The following AKAP13 variants were observed in gnomAD, a reference collection of about 807,000 sequenced individuals.
The protein encoded by AKAP13 is A-kinase anchoring protein 13, also known as A-kinase anchor protein 13.
In AKAP13, 80 loss-of-function variants were observed where a neutral mutation model predicts 264.5. The ratio of observed to expected loss-of-function variants is 0.30; its 90% confidence interval spans 0.25 to 0.36. AKAP13 has a LOEUF of 0.36. Ranked by LOEUF, AKAP13 falls within the 10% of genes least tolerant of loss-of-function variation. AKAP13 has a pLI of 1.00. For missense variants in AKAP13, 3,712 were observed against 3,435.2 expected (o/e 1.08, Z -2.01); for synonymous variants, 1,380 against 1,250.2 (o/e 1.10, Z -2.19).
intron 6 of AKAP13, among the ~76,000 whole-genome samples, chr15:85,578,188 C>T (rs374813100): frequency 1.8e-4 from 27 of 152,244 alleles, no homozygotes; most frequent in African/African-American, 4.8e-4. Context: ...GAGGCTGAGG[C>T]GGCAGGGTCA....
intron 10 of AKAP13, among the ~76,000 whole-genome samples, chr15:85,647,931 A>G (rs2082629770): frequency 6.6e-6 from 1 of 152,228 alleles, no homozygotes; most frequent in African/African-American, 2.4e-5. Context: ...CCATCTCAAA[A>G]AAACAAAAAA....
chr15:85,601,357 T>C (rs967585328), intron 8 of AKAP13, among the ~76,000 whole-genome samples: 3 of 152,194 alleles, frequency 2.0e-5, no homozygotes, highest in African/African-American at 4.8e-5. Flanking sequence ...TGTTTATTGT[T>C]CTTGCTGTAA....
chr15:85,439,013 C>T (rs1269538505), intron 1 of AKAP13, among the ~76,000 whole-genome samples: 3 of 147,080 alleles, frequency 2.0e-5, no homozygotes, highest in Admixed American at 2.0e-4. Flanking sequence ...AAAGAAACTA[C>T]CATCAGAGTG....
At chr15:85,578,783 T>G (rs1360805548) in intron 6 of AKAP13, 147 bp from the exon 7 acceptor site, 2 of 704,668 alleles carry the variant, frequency 2.8e-6, no homozygotes, top group Non-Finnish European at 2.4e-6. Flanking sequence ...AGGAAATTTA[T>G]TTGTATTCTT....
rs940797579 is a variant in AKAP13 at position 85,718,523 on chromosome 15, C to T, written c.6001+364C>T. Reference sequence around the variant, plus strand: ...GACAGGTGCTGAATCCAGTGAAGACCTCTTTGGAAGTCATAATTTAAGACT... The same window carrying T: ...GACAGGTGCTGAATCCAGTGAAGACTTCTTTGGAAGTCATAATTTAAGACT... On this transcript the variant is annotated intron_variant, in intron 22 of 36. Coordinates refer to ENST00000394518, the MANE Select transcript of AKAP13 (RefSeq NM_007200.5). This position sits in a 1 kb window ranked among gnomAD's most constrained non-coding sequence, Gnocchi z 4.9. Among the ~76,000 whole-genome samples the T allele has an allele frequency of 2.6e-5, 4 of 152,124 alleles. No homozygotes were observed. The highest frequency in any genetic ancestry group is 4.4e-5 in the Non-Finnish European group (3 of 68,030).
At chr15:85,566,214 C>T (rs2078600811) in intron 5 of AKAP13, among the ~76,000 whole-genome samples, 1 of 152,142 alleles carries the variant, frequency 6.6e-6, no homozygotes, top group African/African-American at 2.4e-5. Flanking sequence ...GCTGTTATAC[C>T]ATTTTATCAT....
rs775855760 is a variant in AKAP13 at position 85,669,811 on chromosome 15, C to T, written c.5082C>T (p.Ile1694=). 1 of 1,610,044 alleles carries T rather than the reference C, an allele frequency of 6.2e-7. No individual in the cohort carries two copies. The highest frequency in any genetic ancestry group is 2.2e-5 in the East Asian group (1 of 44,820). The change falls in exon 14 of 37, where the codon ATC becomes ATT. Residue 1694 remains isoleucine, a synonymous_variant. Coordinates refer to ENST00000394518, the MANE Select transcript of AKAP13 (RefSeq NM_007200.5). Reference sequence around the variant, plus strand: ...CAAAATCCATCTCATTAATGACAATCAGCCATCCTGGATTGGACAGTGAGT... The same window carrying T: ...CAAAATCCATCTCATTAATGACAATTAGCCATCCTGGATTGGACAGTGAGT... ...PLTKSISLMT[I]SHPGLDNSRP... is the part of the protein sequence containing the mutation.
At chr15:85,612,866 A>G (rs965801405) in intron 8 of AKAP13, among the ~76,000 whole-genome samples, 6 of 151,776 alleles carry the variant, frequency 4.0e-5, no homozygotes, top group African/African-American at 1.4e-4. Flanking sequence ...AAATGTGGAG[A>G]GAACATATTC....
intron 1 of AKAP13, among the ~76,000 whole-genome samples, chr15:85,427,122 A>T (rs935017457): frequency 2.6e-5 from 4 of 151,254 alleles, no homozygotes; most frequent in African/African-American, 9.7e-5. Flanking sequence ...CGCCCGGCTA[A>T]TTTTTTGTAT....
At chr15:85,593,794 C>A (rs1226332583) in intron 8 of AKAP13, among the ~76,000 whole-genome samples, 3 of 91,568 alleles carry the variant, frequency 3.3e-5, no homozygotes, top group Non-Finnish European at 7.6e-5. Context: ...ACACTCATTT[C>A]TCTTTTGTTC....
intron 1 of AKAP13, among the ~76,000 whole-genome samples, chr15:85,423,492 T>C (rs537432082): frequency 6.6e-6 from 1 of 152,374 alleles, no homozygotes; most frequent in African/African-American, 2.4e-5. Context: ...TCAAGTTTTA[T>C]CATGAGATTG....
intron 1 of AKAP13, among the ~76,000 whole-genome samples, chr15:85,427,804 A>T (rs1484410176): frequency 6.6e-6 from 1 of 152,234 alleles, no homozygotes; most frequent in African/African-American, 2.4e-5. Flanking sequence ...TGTTAGTCAT[A>T]AGTGACATGG....
At chr15:85,448,440 C>T (rs745621477) in intron 1 of AKAP13, among the ~76,000 whole-genome samples, 3 of 151,986 alleles carry the variant, frequency 2.0e-5, no homozygotes, top group Non-Finnish European at 2.9e-5. Flanking sequence ...AATCTTTGCC[C>T]GTTCCTAAGT....
rs1161328773 is a variant in AKAP13, at chr15:85,671,464, A to C, written c.5101+1634A>C. Among the ~76,000 whole-genome samples the C allele has an allele frequency of 2.8e-5, 4 of 145,398 alleles. No homozygotes were observed. The South Asian group carries it at 6.6e-4, about 24-fold the overall frequency. Reference sequence around the variant, plus strand: ...AAAAAAAAAAAAAAAAAAAAGAGAGAGAGAGAAAGACATAATGGGTGATTC... The same window carrying C: ...AAAAAAAAAAAAAAAAAAAAGAGAGCGAGAGAAAGACATAATGGGTGATTC... On this transcript the variant is annotated intron_variant, in intron 14 of 36. Coordinates refer to ENST00000394518, the MANE Select transcript of AKAP13 (RefSeq NM_007200.5).
In AKAP13 at chr15:85,718,288, C is replaced by T. The variant is rs1220036039; in HGVS notation, c.6001+129C>T. Reference sequence around the variant, plus strand: ...TTCTTGAAAAGATTTCCTTTAAAAACTTTAAGGTACAGAGACGTGGTCCTG... The same window carrying T: ...TTCTTGAAAAGATTTCCTTTAAAAATTTTAAGGTACAGAGACGTGGTCCTG... On this transcript the variant is annotated intron_variant, in intron 22 of 36. Coordinates refer to ENST00000394518, the MANE Select transcript of AKAP13 (RefSeq NM_007200.5). This position sits in a 1 kb window ranked among gnomAD's most constrained non-coding sequence, Gnocchi z 4.9. 1.8e-6 allele frequency: 2 copies of T among 1,137,810 alleles called. No individual in the cohort carries two copies. The highest frequency in any genetic ancestry group is 3.1e-5 in the African/African-American group (2 of 63,742). 70.5% of individuals were successfully genotyped at this position (1,137,810 alleles called of 1,614,324 possible). A position where few individuals can be genotyped will look rare whatever the true frequency, so the allele number is the denominator to read the frequency against.
At chr15:85,557,198 A>C (rs12185116) in intron 5 of AKAP13, among the ~76,000 whole-genome samples, 47,787 of 152,048 alleles carry the variant, frequency 0.31, 7,683 homozygotes, top group African/African-American at 0.36. Context: ...AATTAATTTT[A>C]AAATTTATTT....
Position 85,640,127 on chromosome 15 carries a change from G to A in AKAP13, c.4237+678G>A, listed in dbSNP as rs2082244040. 2.6e-5 allele frequency among the ~76,000 whole-genome samples: 4 copies of A among 152,310 alleles called. 1 individual carries two copies. The South Asian group carries it at 8.3e-4, about 32-fold the overall frequency. On this transcript the variant is annotated intron_variant, in intron 9 of 36. Coordinates refer to ENST00000394518, the MANE Select transcript of AKAP13 (RefSeq NM_007200.5). Reference sequence around the variant, plus strand: ...AGCCTCTAACTCTGTGTGATGTAAAGTATGTTCCCTAATGTCTGTGTGCTC... The same window carrying A: ...AGCCTCTAACTCTGTGTGATGTAAAATATGTTCCCTAATGTCTGTGTGCTC...
chr15:85,382,857 C>T (rs1369231172), intron 1 of AKAP13, among the ~76,000 whole-genome samples: 1 of 152,172 alleles, frequency 6.6e-6, no homozygotes, highest in African/African-American at 2.4e-5. Context: ...TGGTAGCTAG[C>T]GTACACAGGA....
At chr15:85,504,151 G>A (rs1470201944) in intron 2 of AKAP13, among the ~76,000 whole-genome samples, 1 of 152,122 alleles carries the variant, frequency 6.6e-6, no homozygotes, top group Non-Finnish European at 1.5e-5. Context: ...AACCAAGAAA[G>A]CTAGGTGAAT....
Sources: allele counts gnomAD v4.1 joint callset (sites outside exome capture counted in the v4.1 genomes callset), GRCh38; gene constraint gnomAD v4.1.1; non-coding constraint Gnocchi (gnomAD v3.1); transcripts MANE v1.5; gene names NCBI Gene and HGNC (gene_info 2026-07-23, HGNC 2026-07-21).